The following C1orf21 variants were observed in gnomAD, a reference collection of about 807,000 sequenced individuals.
C1orf21 encodes the protein uncharacterized protein C1orf21.
In C1orf21, 3 loss-of-function variants were observed where a neutral mutation model predicts 18.7. That is an observed-to-expected ratio of 0.16 (90% CI 0.07 to 0.42). C1orf21 has a LOEUF of 0.42. Among genes scored for constraint, C1orf21 ranks in the 10% least tolerant of loss-of-function variants. C1orf21 has a pLI of 0.99. For synonymous variants in C1orf21, 41 were observed against 46.4 expected, an observed-to-expected ratio of 0.88 and a Z score of 0.47; for missense variants, 104 against 143.6, an observed-to-expected ratio of 0.72 and a Z score of 1.41.
intron 3 of C1orf21, among the ~76,000 whole-genome samples, chr1:184,548,508 G>A (rs139785656): frequency 1.4e-5 from 2 of 144,324 alleles, no homozygotes; most frequent in African/African-American, 2.6e-5. Context: ...TCCGCCTCCC[G>A]GGTTCACGCC....
At chr1:184,521,253 A>G (rs151140541) in intron 3 of C1orf21, among the ~76,000 whole-genome samples, 3 of 152,272 alleles carry the variant, frequency 2.0e-5, no homozygotes, top group South Asian at 2.1e-4. Context: ...TAATCTTACC[A>G]TATGTCTAGA....
chr1:184,559,593 T>C (rs548920511), intron 3 of C1orf21, among the ~76,000 whole-genome samples: 76 of 118,060 alleles, frequency 6.4e-4, no homozygotes, highest in Non-Finnish European at 1.1e-3. Flanking sequence ...CTTCCTCCCT[T>C]CCTTCCTTCC....
chr1:184,487,087 T>C (rs918483466), intron 2 of C1orf21, among the ~76,000 whole-genome samples: 1 of 152,204 alleles, frequency 6.6e-6, no homozygotes, highest in African/African-American at 2.4e-5. Flanking sequence ...AGAGAGGAAG[T>C]CAAAGGTTTC....
intron 5 of C1orf21, among the ~76,000 whole-genome samples, chr1:184,616,660 A>C (rs538526011): frequency 6.6e-6 from 1 of 151,878 alleles, no homozygotes; most frequent in Non-Finnish European, 1.5e-5. Flanking sequence ...TCATGTATGC[A>C]TGTGTGTGCA....
At chr1:184,610,464 C>T (rs761860062) in intron 5 of C1orf21, among the ~76,000 whole-genome samples, 32 of 152,176 alleles carry the variant, frequency 2.1e-4, no homozygotes, top group Non-Finnish European at 4.4e-4. Context: ...ATGTCTTTAT[C>T]CTCACTCCTG....
intron 3 of C1orf21, among the ~76,000 whole-genome samples, chr1:184,508,912 A>G (rs1658104674): frequency 6.6e-6 from 1 of 152,204 alleles, no homozygotes; most frequent in Admixed American, 6.5e-5. Flanking sequence ...TACTGCCTAC[A>G]TGGTGTTTAT....
intron 3 of C1orf21, among the ~76,000 whole-genome samples, chr1:184,576,210 C>T (rs1659187689): frequency 1.3e-5 from 2 of 152,180 alleles, no homozygotes; most frequent in Non-Finnish European, 2.9e-5. Context: ...CTGCAACCTC[C>T]ACCTCCTGGG....
chr1:184,469,327 C>T (rs77437687), intron 1 of C1orf21, among the ~76,000 whole-genome samples: 5,568 of 152,214 alleles, frequency 0.037, 310 homozygotes, highest in African/African-American at 0.12. Context: ...CATGATCTTT[C>T]GTGTGTTTAT....
chr1:184,552,530 A>G lies in C1orf21; in HGVS notation c.190-38209A>G, dbSNP rs150552148. On this transcript the variant is annotated intron_variant, in intron 3 of 5. Coordinates refer to ENST00000235307, the MANE Select transcript of C1orf21 (RefSeq NM_030806.4). Reference sequence around the variant, plus strand: ...GATATTGCAAGCCCAAAAGATGGTCATGTTCAAATTAATAATTATTTTCCT... The same window carrying G: ...GATATTGCAAGCCCAAAAGATGGTCGTGTTCAAATTAATAATTATTTTCCT... Among the ~76,000 whole-genome samples the G allele has an allele frequency of 3.9e-4, 59 of 152,348 alleles. No individual in the cohort carries two copies. In the East Asian group the frequency reaches 0.01, roughly 26 times the overall value.
At chr1:184,402,581 C>G (rs1018335891) in intron 1 of C1orf21, among the ~76,000 whole-genome samples, 3 of 150,104 alleles carry the variant, frequency 2.0e-5, no homozygotes, top group African/African-American at 7.4e-5. Flanking sequence ...TGTGCCACTG[C>G]ACTCCAGCCT....
At chr1:184,463,858 T>A (rs1657346028) in intron 1 of C1orf21, among the ~76,000 whole-genome samples, 2 of 152,210 alleles carry the variant, frequency 1.3e-5, no homozygotes, top group Admixed American at 6.5e-5. Flanking sequence ...TAGACACATA[T>A]AGATGACGTT....
chr1:184,475,777 G>A (rs1038721532), intron 1 of C1orf21, among the ~76,000 whole-genome samples: 8 of 141,302 alleles, frequency 5.7e-5, no homozygotes, highest in African/African-American at 1.9e-4. Context: ...GTGTGTGTGT[G>A]TGTGTCCATC....
chr1:184,612,293 G>A (rs1385066557), intron 5 of C1orf21, among the ~76,000 whole-genome samples: 3 of 152,186 alleles, frequency 2.0e-5, no homozygotes, highest in Non-Finnish European at 4.4e-5. Context: ...CTTCTGTCAT[G>A]AGCCTTTATT....
At chr1:184,489,177 CTG>C (rs1249704119) in intron 2 of C1orf21, among the ~76,000 whole-genome samples, 1 of 151,938 alleles carries the variant, frequency 6.6e-6, no homozygotes, top group Non-Finnish European at 1.5e-5. Flanking sequence ...AAATGTCAAA[CTG>C]AGAATAATAT....
rs568465250 is a variant in C1orf21 at position 184,621,267 on chromosome 1, T to A, written c.*1711T>A. The stretch of plus-strand genomic sequence containing the variant: ...GAGTGCTATTGACTATAGATTCACA[T>A]ATTAGCAACAAAATCCCGTAATTCT... On this transcript the variant is annotated 3_prime_UTR_variant, in exon 6 of 6. Coordinates refer to ENST00000235307, the MANE Select transcript of C1orf21 (RefSeq NM_030806.4). 2.2e-4 allele frequency: 33 copies of A among 152,652 alleles called. No homozygotes were observed. Among genetic ancestry groups the A allele is most frequent in the Middle Eastern group, 3.2e-3 (1 of 316 alleles). The allele number at this position is 152,652 out of a possible 1,614,324, so 9.5% of individuals were successfully genotyped here.
intron 2 of C1orf21, among the ~76,000 whole-genome samples, chr1:184,488,736 G>A (rs1308503146): frequency 6.6e-6 from 1 of 152,154 alleles, no homozygotes; most frequent in East Asian, 1.9e-4. Context: ...AGGCCGAGGC[G>A]AGCAGGTTGC....
intron 1 of C1orf21, among the ~76,000 whole-genome samples, chr1:184,424,538 A>G (rs1006950609): frequency 6.6e-6 from 1 of 152,216 alleles, no homozygotes; most frequent in Non-Finnish European, 1.5e-5. Flanking sequence ...GAAATGAAGT[A>G]TGGTGTCTCA....
chr1:184,514,011 AGTGGGCTAC>A (rs1166668960), intron 3 of C1orf21, among the ~76,000 whole-genome samples: 1 of 152,164 alleles, frequency 6.6e-6, no homozygotes, highest in Non-Finnish European at 1.5e-5. Flanking sequence ...AAAAAATGGG[AGTGGGCTAC>A]GTGCGGTGGC....
At chr1:184,554,025 C>T (rs1216938860) in intron 3 of C1orf21, among the ~76,000 whole-genome samples, 1 of 152,178 alleles carries the variant, frequency 6.6e-6, no homozygotes, top group Non-Finnish European at 1.5e-5. Context: ...TCTGACAATG[C>T]CACAATGGAG....
Sources: gnomAD v4.1 joint callset for allele counts (sites outside exome capture counted in the v4.1 genomes callset) on GRCh38, gnomAD v4.1.1 for gene constraint, MANE v1.5 for transcripts, NCBI Gene and HGNC (gene_info 2026-07-23, HGNC 2026-07-21) for gene names.